The following CRTC1 variants were observed in gnomAD, a reference collection of about 807,000 sequenced individuals.
CRTC1 encodes the protein CREB-regulated transcription coactivator 1.
Under a neutral mutation model 66.1 loss-of-function variants are expected in CRTC1, and 18 were observed. That is an observed-to-expected ratio of 0.27 (90% CI 0.19 to 0.40). The LOEUF (loss-of-function observed/expected upper bound fraction) is 0.40. Ranked by LOEUF, CRTC1 falls within the 10% of genes least tolerant of loss-of-function variation. The probability of loss-of-function intolerance (pLI) is 1.00; values close to 1 mark genes in which losing one functional copy is unlikely to be tolerated. For missense variants in CRTC1, 669 were observed against 887.9 expected (o/e 0.75, Z 3.13); for synonymous variants, 416 against 398.8 (o/e 1.04, Z -0.51).
chr19:18,756,436 C>G (rs1383100625), intron 6 of CRTC1, among the ~76,000 whole-genome samples: 1 of 151,624 alleles, frequency 6.6e-6, no homozygotes, highest in Non-Finnish European at 1.5e-5. Flanking sequence ...TGCTTGAGCC[C>G]AAGAGTTTGA....
chr19:18,752,661 A>G (rs1320044526), intron 5 of CRTC1, among the ~76,000 whole-genome samples: 9 of 148,452 alleles, frequency 6.1e-5, no homozygotes, highest in East Asian at 6.0e-4. Flanking sequence ...TTTTTTTTGA[A>G]ACAGAGTTTC....
intron 1 of CRTC1, among the ~76,000 whole-genome samples, chr19:18,727,495 C>T (rs1448160233): frequency 7.2e-6 from 1 of 138,902 alleles, no homozygotes; most frequent in African/African-American, 2.7e-5. Flanking sequence ...GCAGGAGAAT[C>T]GCTTAAACCT....
At chr19:18,747,237 C>A in intron 4 of CRTC1, 123 bp downstream of exon 4, 1 of 685,142 alleles carries the variant, frequency 1.5e-6, no homozygotes, top group Non-Finnish European at 2.4e-6. Context: ...TAAGATGCAT[C>A]CAGAAGTTTC....
rs1440443786 is a variant in CRTC1, at chr19:18,778,300, C to G, written c.*918C>G. 2 of 232,430 alleles carry G rather than the reference C, an allele frequency of 8.6e-6. No individual in the cohort carries two copies. Among genetic ancestry groups the G allele is most frequent in the South Asian group, 3.6e-4 (2 of 5,522 alleles). The allele number at this position is 232,430 out of a possible 1,614,324, so 14.4% of individuals were successfully genotyped here. ...GGAGTTTCATTGTGGTTTTTTTTTC[C>G]TTTTAGTTTCTAGTTACATTTTGGT... is the stretch of plus-strand genomic sequence containing the variant. On this transcript the variant is annotated 3_prime_UTR_variant, in exon 14 of 14. Coordinates refer to ENST00000321949, the MANE Select transcript of CRTC1 (RefSeq NM_015321.3).
intron 8 of CRTC1, among the ~76,000 whole-genome samples, chr19:18,762,766 G>T (rs1017402824): frequency 6.6e-6 from 1 of 152,232 alleles, no homozygotes; most frequent in Non-Finnish European, 1.5e-5. Context: ...CAACAGCAAG[G>T]CTCCCGTCCG....
In CRTC1 at chr19:18,765,426, T is replaced by C. The variant is rs777235393; in HGVS notation, c.909T>C (p.Ser303=). 2 of 1,612,702 alleles carry C rather than the reference T, an allele frequency of 1.2e-6. No homozygotes were observed. Among genetic ancestry groups the C allele is most frequent in the African/African-American group, 2.7e-5 (2 of 74,906 alleles). ...TAGGAATGAGCACACCTGGCTCCTC[T>C]CCACAGCACCGCCCAGCTGGCGTCA... is the stretch of plus-strand genomic sequence containing the variant. ...AGQGMSTPGS[S]PQHRPAGVSP... The change falls in exon 9 of 14, where the codon TCT becomes TCC. Residue 303 remains serine, a synonymous_variant. Transcript: ENST00000321949.
intron 1 of CRTC1, among the ~76,000 whole-genome samples, chr19:18,738,402 A>G (rs73537995): frequency 0.23 from 35,656 of 152,104 alleles, 4,559 homozygotes; most frequent in African/African-American, 0.33. Context: ...CATGAGGGTC[A>G]GCTCCCCAAT....
At chr19:18,709,683 G>A (rs1191889127) in intron 1 of CRTC1, among the ~76,000 whole-genome samples, 4 of 152,286 alleles carry the variant, frequency 2.6e-5, no homozygotes, top group African/African-American at 9.6e-5. Context: ...CCACCTGGGG[G>A]AGATGGGTCC....
chr19:18,726,015 G>A (rs567402408), intron 1 of CRTC1, among the ~76,000 whole-genome samples: 16 of 152,196 alleles, frequency 1.1e-4, no homozygotes, highest in African/African-American at 1.9e-4. Flanking sequence ...GCTTCCTCCC[G>A]ACTCATGTAC....
In CRTC1 at chr19:18,768,745, C is replaced by T; in HGVS notation, c.1272C>T (p.Ser424=). The T allele has an allele frequency of 1.2e-6, 2 of 1,601,044 alleles. No individual in the cohort carries two copies. Among genetic ancestry groups the T allele is most frequent in the Non-Finnish European group, 1.7e-6 (2 of 1,174,868 alleles). Residue 424 remains serine (S), a synonymous_variant, in exon 10 of 14, where the codon TCC becomes TCT. Coordinates refer to ENST00000321949, the MANE Select transcript of CRTC1 (RefSeq NM_015321.3). This position sits in a 1 kb window ranked among gnomAD's most constrained non-coding sequence, Gnocchi z 5.6. ...CGGTACCGTCCTCTCTCCCCCAGTC[C>T]CCCCCAGAGAACCCTGGCCAGCCAT... is the stretch of plus-strand genomic sequence containing the variant. ...AVTVPSSLPQ[S]PPENPGQPSM... is the part of the protein sequence containing the mutation.
rs1405158379 is a variant in CRTC1 at position 18,771,628 on chromosome 19, G to C, written c.1425+82G>C. 8 of 1,070,202 alleles carry C rather than the reference G, an allele frequency of 7.5e-6. No individual in the cohort carries two copies. The African/African-American group carries it at 9.4e-5, about 13-fold the overall frequency. 66.3% of individuals were successfully genotyped at this position (1,070,202 alleles called of 1,614,324 possible). A position where few individuals can be genotyped will look rare whatever the true frequency, so the allele number is the denominator to read the frequency against. ...CCCGTGTGTTCCCTGCCCACTGTCTGTCCTCATGCATCGCTCCTCATGCAT... is the reference window on the plus strand; with the variant it reads ...CCCGTGTGTTCCCTGCCCACTGTCTCTCCTCATGCATCGCTCCTCATGCAT... On this transcript the variant is annotated intron_variant, in intron 11 of 13. Coordinates refer to ENST00000321949, the MANE Select transcript of CRTC1 (RefSeq NM_015321.3). The surrounding 1 kb of genome is among the most constrained non-coding windows in gnomAD (Gnocchi z 4.6).
At chr19:18,773,503 G>A (rs376678454) in intron 11 of CRTC1, among the ~76,000 whole-genome samples, 6 of 152,128 alleles carry the variant, frequency 3.9e-5, no homozygotes, top group East Asian at 1.9e-4. Flanking sequence ...AGGATCAGGC[G>A]CTGTCCTGGA....
At chr19:18,696,314 C>T (rs916613047) in intron 1 of CRTC1, among the ~76,000 whole-genome samples, 20 of 152,146 alleles carry the variant, frequency 1.3e-4, no homozygotes, top group African/African-American at 3.4e-4. Flanking sequence ...AGAGCAGGTA[C>T]GACAGTGGGT....
At chr19:18,749,982 AAGACTC>A in intron 5 of CRTC1, 107 bp downstream of exon 5, 1 of 850,146 alleles carries the variant, frequency 1.2e-6, no homozygotes, top group South Asian at 1.4e-5. Context: ...TCTTCAAAGG[AAGACTC>A]AGACCATGCT....
At chr19:18,712,133 G>A (rs950070748) in intron 1 of CRTC1, among the ~76,000 whole-genome samples, 3 of 151,966 alleles carry the variant, frequency 2.0e-5, no homozygotes, top group African/African-American at 7.3e-5. Flanking sequence ...TGTGGAGATG[G>A]GTCTCACTAT....
intron 11 of CRTC1, among the ~76,000 whole-genome samples, chr19:18,772,575 G>T (rs1367095098): frequency 6.6e-6 from 1 of 152,196 alleles, no homozygotes; most frequent in Non-Finnish European, 1.5e-5. Context: ...CTGAGGTCGG[G>T]CTCCCTTGTC....
chr19:18,710,601 AT>A (rs2053368347), intron 1 of CRTC1, among the ~76,000 whole-genome samples: 1 of 151,820 alleles, frequency 6.6e-6, no homozygotes, highest in African/African-American at 2.4e-5. Flanking sequence ...TTTTACATTT[AT>A]TTTTTATTTA....
In CRTC1 at chr19:18,778,290, T is replaced by G. The variant is rs915719982; in HGVS notation, c.*908T>G. On this transcript the variant is annotated 3_prime_UTR_variant, in exon 14 of 14. Coordinates refer to ENST00000321949, the MANE Select transcript of CRTC1 (RefSeq NM_015321.3). ...GGTGGCCAGGGGAGTTTCATTGTGG[T>G]TTTTTTTTCCTTTTAGTTTCTAGTT... is the stretch of plus-strand genomic sequence containing the variant. The G allele has an allele frequency of 1.3e-4, 30 of 230,964 alleles. No individual in the cohort carries two copies. The highest frequency in any genetic ancestry group is 2.0e-4 in the Non-Finnish European group (24 of 117,218). The allele number at this position is 230,964 out of a possible 1,614,324, so 14.3% of individuals were successfully genotyped here.
At chr19:18,720,056 G>A (rs960802534) in intron 1 of CRTC1, among the ~76,000 whole-genome samples, 1 of 152,220 alleles carries the variant, frequency 6.6e-6, no homozygotes. Flanking sequence ...AACTGCAAAG[G>A]ATCTGTTCCC....
Sources: gnomAD v4.1 joint callset for allele counts (sites outside exome capture counted in the v4.1 genomes callset) on GRCh38, gnomAD v4.1.1 for gene constraint, Gnocchi (gnomAD v3.1) non-coding constraint, MANE v1.5 for transcripts, NCBI Gene and HGNC (gene_info 2026-07-23, HGNC 2026-07-21) for gene names.